Variants in FAM193A observed in about 807,000 individuals in gnomAD.
FAM193A encodes family with sequence similarity 193 member A.
In FAM193A, 22 loss-of-function variants were observed where a neutral mutation model predicts 126.5. The observed-to-expected ratio is 0.17, with a 90% CI of 0.12 to 0.25. FAM193A has a LOEUF of 0.25. FAM193A is among the 10% of genes least tolerant of loss of function. The probability of loss-of-function intolerance (pLI) is 1.00; values close to 1 mark genes in which losing one functional copy is unlikely to be tolerated. For synonymous variants in FAM193A, 761 were observed against 646.8 expected (o/e 1.18, Z -2.68); for missense variants, 1,675 against 1,672.8 (o/e 1.00, Z -0.02).
intron 20 of FAM193A, among the ~76,000 whole-genome samples, chr4:2,727,281 G>A (rs960716576): frequency 6.6e-6 from 1 of 152,114 alleles, no homozygotes; most frequent in African/African-American, 2.4e-5. Context: ...GTGACCAATT[G>A]CTGTTAGTTT....
chr4:2,650,589 G>A (rs1365256228), intron 7 of FAM193A, among the ~76,000 whole-genome samples: 1 of 152,142 alleles, frequency 6.6e-6, no homozygotes, highest in Non-Finnish European at 1.5e-5. Context: ...TGTGCAGGGC[G>A]GGGTTTCAAG....
chr4:2,613,696 C>G (rs1212843834), intron 2 of FAM193A, among the ~76,000 whole-genome samples: 1 of 151,574 alleles, frequency 6.6e-6, no homozygotes, highest in Non-Finnish European at 1.5e-5. Context: ...TCGGGTGATC[C>G]GCATGCCTTG....
At chr4:2,556,000 G>C (rs1036293721) in intron 1 of FAM193A, among the ~76,000 whole-genome samples, 1 of 151,262 alleles carries the variant, frequency 6.6e-6, no homozygotes, top group Admixed American at 6.6e-5. Flanking sequence ...AGGTTCAGGC[G>C]ATTCCCCTGT....
chr4:2,603,405 C>T (rs925075393), intron 2 of FAM193A, among the ~76,000 whole-genome samples: 6 of 151,298 alleles, frequency 4.0e-5, no homozygotes, highest in African/African-American at 7.3e-5. Context: ...CTTCCTCAGC[C>T]GCCCTAGTAG....
At chr4:2,551,006 T>G (rs1737888989) in intron 1 of FAM193A, among the ~76,000 whole-genome samples, 1 of 152,030 alleles carries the variant, frequency 6.6e-6, no homozygotes, top group Non-Finnish European at 1.5e-5. Flanking sequence ...TTCACCATGT[T>G]AGCCAGGATG....
chr4:2,697,945 C>G (rs1029415231), intron 18 of FAM193A, among the ~76,000 whole-genome samples: 2 of 152,250 alleles, frequency 1.3e-5, no homozygotes, highest in Non-Finnish European at 2.9e-5. Flanking sequence ...CTCTCCACCC[C>G]AGGCTCTTGC....
At chr4:2,668,105 G>T (rs1307784718) in intron 12 of FAM193A, among the ~76,000 whole-genome samples, 1 of 151,714 alleles carries the variant, frequency 6.6e-6, no homozygotes, top group Non-Finnish European at 1.5e-5. Flanking sequence ...AGGTCTCCCT[G>T]TGTTGCCCAA....
intron 1 of FAM193A, among the ~76,000 whole-genome samples, chr4:2,581,141 CAAAA>C (rs569323669): frequency 6.9e-6 from 1 of 145,420 alleles, no homozygotes; most frequent in Non-Finnish European, 1.5e-5. Context: ...AAAACAACAA[CAAAA>C]AAAAAACCAC....
chr4:2,543,773 G>A (rs994916286), intron 1 of FAM193A, among the ~76,000 whole-genome samples: 6 of 145,904 alleles, frequency 4.1e-5, no homozygotes, highest in Non-Finnish European at 8.9e-5. Context: ...CATGAGAATC[G>A]CCTGAACCCG....
At chr4:2,670,043 C>A (rs1457768479) in intron 12 of FAM193A, among the ~76,000 whole-genome samples, 6 of 152,152 alleles carry the variant, frequency 3.9e-5, no homozygotes, top group African/African-American at 1.4e-4. Flanking sequence ...GGATGCTCTT[C>A]CCCCTTTCCT....
intron 2 of FAM193A, among the ~76,000 whole-genome samples, chr4:2,599,961 G>A (rs999083715): frequency 6.6e-6 from 1 of 150,998 alleles, no homozygotes; most frequent in African/African-American, 2.4e-5. Context: ...ATGCAGTGGT[G>A]CGATGTTGGC....
chr4:2,593,970 C>A (rs1740709572), intron 1 of FAM193A, among the ~76,000 whole-genome samples: 1 of 151,010 alleles, frequency 6.6e-6, no homozygotes, highest in South Asian at 2.1e-4. Context: ...GTCTGGCGTT[C>A]TCTAGGACAC....
At chr4:2,614,031 C>T (rs543281632) in intron 2 of FAM193A, among the ~76,000 whole-genome samples, 1 of 152,288 alleles carries the variant, frequency 6.6e-6, no homozygotes, top group Admixed American at 6.5e-5. Flanking sequence ...CGTCGGCCTC[C>T]CAAAGTGCTG....
chr4:2,541,433 A>C (rs922632992), intron 1 of FAM193A, among the ~76,000 whole-genome samples: 2 of 151,328 alleles, frequency 1.3e-5, no homozygotes, highest in Admixed American at 1.3e-4. Flanking sequence ...CCACAGAATT[A>C]GTTCATTGTG....
intron 13 of FAM193A, 132 bp from the exon 14 acceptor site, chr4:2,689,374 C>T: frequency 1.6e-6 from 1 of 612,428 alleles, no homozygotes; most frequent in Non-Finnish European, 2.7e-6. Flanking sequence ...TGTGCTCCCC[C>T]TGGGCTGAGC....
Position 2,660,144 on chromosome 4 carries a change from A to G in FAM193A, c.1745+90A>G, listed in dbSNP as rs1341062129. Reference sequence around the variant, plus strand: ...CAGTAATGTCCACAGAAGTATGAACATCATTATTGTGCTTTTCATGACAAG... The same window carrying G: ...CAGTAATGTCCACAGAAGTATGAACGTCATTATTGTGCTTTTCATGACAAG... On this transcript the variant is annotated intron_variant, in intron 10 of 20. Coordinates refer to ENST00000637812, the MANE Select transcript of FAM193A (RefSeq NM_001366318.2). The G allele has an allele frequency of 5.8e-6, 8 of 1,368,456 alleles. No individual in the cohort carries two copies. In the African/African-American group the frequency reaches 1.0e-4, roughly 17 times the overall value. The allele number at this position is 1,368,456 out of a possible 1,614,324, so 84.8% of individuals were successfully genotyped here.
intron 1 of FAM193A, among the ~76,000 whole-genome samples, chr4:2,580,599 T>C (rs937632605): frequency 6.6e-6 from 1 of 152,204 alleles, no homozygotes; most frequent in Admixed American, 6.5e-5. Flanking sequence ...CCCATGGTAA[T>C]GAATGAGTTC....
chr4:2,628,572 T>TGCTGCACTGAGCTAGGATC (rs2108989253), intron 4 of FAM193A, among the ~76,000 whole-genome samples: 1 of 152,198 alleles, frequency 6.6e-6, no homozygotes, highest in East Asian at 1.9e-4. Context: ...AGGAGTTCGG[T>TGCTGCACTGAGCTAGGATC]GCTGCACTGA....
chr4:2,723,927 G>A (rs1262255673), intron 20 of FAM193A, among the ~76,000 whole-genome samples: 1 of 152,038 alleles, frequency 6.6e-6, no homozygotes, highest in African/African-American at 2.4e-5. Flanking sequence ...CAGCCTCCTG[G>A]GTAGCTGGGA....
Sources: gnomAD v4.1 joint callset for allele counts (sites outside exome capture counted in the v4.1 genomes callset) on GRCh38, gnomAD v4.1.1 for gene constraint, MANE v1.5 for transcripts, NCBI Gene and HGNC (gene_info 2026-07-23, HGNC 2026-07-21) for gene names.